The following MAPRE2 variants were observed in gnomAD, a reference collection of about 807,000 sequenced individuals.
MAPRE2 encodes the protein microtubule associated protein RP/EB family member 2.
A neutral mutation model predicts 43.2 loss-of-function variants in MAPRE2; 13 were observed. The observed-to-expected ratio is 0.30, with a 90% confidence interval of 0.20 to 0.48. The LOEUF (loss-of-function observed/expected upper bound fraction) is 0.48. MAPRE2 is among the 20% of genes least tolerant of loss of function. The probability of loss-of-function intolerance (pLI) is 0.99; values close to 1 mark genes in which losing one functional copy is unlikely to be tolerated. For synonymous variants in MAPRE2, 135 were observed against 148.8 expected, an observed-to-expected ratio of 0.91 and a Z score of 0.68; for missense variants, 161 against 400.2, an observed-to-expected ratio of 0.40 and a Z score of 5.10.
chr18:35,001,921 A>G (rs919730987), intron 1 of MAPRE2, among the ~76,000 whole-genome samples: 1 of 152,232 alleles, frequency 6.6e-6, no homozygotes, highest in Non-Finnish European at 1.5e-5. Context: ...AAGAAATAAT[A>G]TAGAGAGATC....
rs559355798 is a variant in MAPRE2 at position 35,107,006 on chromosome 18, G to GA, written c.610+4850dup. Among the ~76,000 whole-genome samples, 341 of 152,234 alleles carry GA rather than the reference G, an allele frequency of 2.2e-3. 1 individual carries two copies. Among genetic ancestry groups the GA allele is most frequent in the Non-Finnish European group, 3.5e-3 (236 of 68,008 alleles). The stretch of plus-strand genomic sequence containing the variant: ...TGTGAACACTTACTAAACATAAAAG[G>GA]AAATTCAAAGTTATGTAGTTACTAT... On this transcript the variant is annotated intron_variant, in intron 4 of 6. Coordinates refer to ENST00000300249, the MANE Select transcript of MAPRE2 (RefSeq NM_014268.4).
At position 35,020,249 on chromosome 18, in the gene MAPRE2, A is replaced by G. The variant is rs572447499; in HGVS notation, c.-8+14696A>G. The stretch of plus-strand genomic sequence containing the variant: ...AAGATAAGCCCCAGAGTGCCTCCCT[A>G]AAGAACTCGATTCTAGGCCATGAGG... On this transcript the variant is annotated intron_variant, in intron 2 of 7. Coordinates refer to the MAPRE2 transcript ENST00000413393. Among the ~76,000 whole-genome samples the G allele has an allele frequency of 5.3e-5, 8 of 152,264 alleles. No homozygotes were observed. In the South Asian group the frequency reaches 1.7e-3, roughly 32 times the overall value.
chr18:35,134,378 G>A (rs908941957), intron 6 of MAPRE2, among the ~76,000 whole-genome samples: 1 of 152,226 alleles, frequency 6.6e-6, no homozygotes, highest in Non-Finnish European at 1.5e-5. Context: ...GCTAGGGATT[G>A]TATTCATTTA....
At chr18:35,034,337 C>A (rs2097049361) in intron 2 of MAPRE2, among the ~76,000 whole-genome samples, 1 of 152,286 alleles carries the variant, frequency 6.6e-6, no homozygotes, top group South Asian at 2.1e-4. Flanking sequence ...AACTGGATCC[C>A]TTCCTTACAC....
rs769519640 is a variant in MAPRE2 at position 35,041,518 on chromosome 18, T to TC, written c.-18dup. The TC allele has an allele frequency of 1.2e-5, 20 of 1,612,742 alleles. No individual in the cohort carries two copies. Among genetic ancestry groups the TC allele is most frequent in the Admixed American group, 1.7e-5 (1 of 59,920 alleles). Reference sequence around the variant, plus strand: ...CACCAGCCAGCCCACAGCGGTTTGTTCCCCTTCTCGGGAGTGCGCCAATGC... The same window carrying TC: ...CACCAGCCAGCCCACAGCGGTTTGTTCCCCCTTCTCGGGAGTGCGCCAATGC... On this transcript the variant is annotated 5_prime_UTR_variant, in exon 1 of 7. Transcript: ENST00000300249.
intron 1 of MAPRE2, among the ~76,000 whole-genome samples, chr18:35,060,625 T>G (rs1025493416): frequency 6.6e-6 from 1 of 152,196 alleles, no homozygotes; most frequent in Non-Finnish European, 1.5e-5. Context: ...GAGCCAAATT[T>G]CCAAGTCATT....
chr18:34,990,908 C>T (rs143234919), intron 1 of MAPRE2, among the ~76,000 whole-genome samples: 1 of 152,288 alleles, frequency 6.6e-6, no homozygotes, highest in Admixed American at 6.5e-5. Flanking sequence ...AGGGAGCTTT[C>T]GCTGTATTCA....
intron 2 of MAPRE2, among the ~76,000 whole-genome samples, chr18:35,080,332 A>G (rs1907571361): frequency 6.6e-6 from 1 of 152,248 alleles, no homozygotes; most frequent in South Asian, 2.1e-4. Flanking sequence ...TACAAAACAC[A>G]ACACAGATCA....
Position 35,048,548 on chromosome 18 carries a change from T to G in MAPRE2, c.122+6887T>G, listed in dbSNP as rs1018191112. Reference sequence around the variant, plus strand: ...TAACACATATACTACATATACTATATTCACACATATATAGTAGTAACATAT... The same window carrying G: ...TAACACATATACTACATATACTATAGTCACACATATATAGTAGTAACATAT... On this transcript the variant is annotated intron_variant, in intron 1 of 6. Transcript: ENST00000300249. Among the ~76,000 whole-genome samples the G allele has an allele frequency of 2.7e-5, 4 of 150,226 alleles. No individual in the cohort carries two copies. In the East Asian group the frequency reaches 7.8e-4, roughly 29 times the overall value.
intron 2 of MAPRE2, among the ~76,000 whole-genome samples, chr18:35,090,765 A>T (rs2144150316): frequency 6.6e-6 from 1 of 152,062 alleles, no homozygotes; most frequent in East Asian, 1.9e-4. Flanking sequence ...AAAAGAAAAA[A>T]AATAGGAGGA....
At chr18:35,083,565 A>G (rs1258692603) in intron 2 of MAPRE2, among the ~76,000 whole-genome samples, 1 of 152,148 alleles carries the variant, frequency 6.6e-6, no homozygotes, top group African/African-American at 2.4e-5. Flanking sequence ...TTTGTCCTGC[A>G]CACCATTCCT....
At chr18:35,007,870 C>A (rs1378462344) in intron 2 of MAPRE2, among the ~76,000 whole-genome samples, 1 of 152,024 alleles carries the variant, frequency 6.6e-6, no homozygotes, top group East Asian at 1.9e-4. Context: ...CCGTGGATTC[C>A]AGATCCGCAA....
chr18:35,128,522 A>G (rs947077678), intron 5 of MAPRE2, among the ~76,000 whole-genome samples: 4 of 152,374 alleles, frequency 2.6e-5, no homozygotes, highest in Middle Eastern at 3.4e-3. Flanking sequence ...ACAGTACAAC[A>G]TAACTTTACA....
At chr18:35,017,564 T>G (rs1253033973) in intron 2 of MAPRE2, among the ~76,000 whole-genome samples, 2 of 97,338 alleles carry the variant, frequency 2.1e-5, no homozygotes, top group East Asian at 4.1e-4. Flanking sequence ...TTGTTTTTTG[T>G]TTTTTGTTTT....
intron 2 of MAPRE2, among the ~76,000 whole-genome samples, chr18:35,093,592 A>G (rs1293732732): frequency 6.6e-6 from 1 of 152,230 alleles, no homozygotes; most frequent in Non-Finnish European, 1.5e-5. Flanking sequence ...GTCATATAAA[A>G]AAATGAAATC....
At chr18:35,030,591 T>C (rs1383272233) in intron 2 of MAPRE2, among the ~76,000 whole-genome samples, 2 of 152,202 alleles carry the variant, frequency 1.3e-5, no homozygotes, top group Non-Finnish European at 2.9e-5. Flanking sequence ...TCCTCATTGT[T>C]AAGCATAGCA....
intron 1 of MAPRE2, among the ~76,000 whole-genome samples, chr18:35,066,196 A>G (rs905764274): frequency 2.6e-5 from 4 of 152,218 alleles, no homozygotes; most frequent in African/African-American, 9.6e-5. Context: ...TATAATTCCT[A>G]CCTTCCATAG....
In MAPRE2 at chr18:35,041,460, G is replaced by GGCGA; in HGVS notation, c.-72_-69dup. The GGCGA allele has an allele frequency of 6.2e-7, 1 of 1,609,484 alleles. No homozygotes were observed. The highest frequency in any genetic ancestry group is 1.7e-5 in the Admixed American group (1 of 59,890). On this transcript the variant is annotated 5_prime_UTR_variant, in exon 1 of 7. Coordinates refer to ENST00000300249, the MANE Select transcript of MAPRE2 (RefSeq NM_014268.4). ...CGGCAGGCACGGTCCGTGCGGAGCAGGCGAGCGAGCGGGAAGACGCAGCCA... is the reference window on the plus strand; with the variant it reads ...CGGCAGGCACGGTCCGTGCGGAGCAGGCGAGCGAGCGAGCGGGAAGACGCAGCCA...
chr18:35,063,389 G>C (rs796405486), intron 1 of MAPRE2, among the ~76,000 whole-genome samples: 1 of 151,938 alleles, frequency 6.6e-6, no homozygotes, highest in Non-Finnish European at 1.5e-5. Flanking sequence ...TTACAGGCGT[G>C]AGCCACTGCG....
Sources: gnomAD v4.1 joint callset for allele counts (sites outside exome capture counted in the v4.1 genomes callset) on GRCh38, gnomAD v4.1.1 for gene constraint, MANE v1.5 for transcripts, NCBI Gene and HGNC (gene_info 2026-07-23, HGNC 2026-07-21) for gene names.